CNTN4: variants seen among roughly 807,000 people sequenced by gnomAD.
CNTN4 encodes the protein contactin-4.
Under a neutral mutation model 122.5 loss-of-function variants are expected in CNTN4, and 77 were observed. That is an observed-to-expected ratio of 0.63 (90% confidence interval 0.52 to 0.76). CNTN4 has a LOEUF of 0.76. Among genes scored for constraint, CNTN4 ranks in the 30% least tolerant of loss-of-function variants. The pLI, the probability that CNTN4 is intolerant of heterozygous loss-of-function variation, is 0.00. For missense variants in CNTN4, 1,256 were observed against 1,259.1 expected (o/e 1.00, Z 0.04); for synonymous variants, 512 against 447.0 (o/e 1.15, Z -1.83).
intron 2 of CNTN4, among the ~76,000 whole-genome samples, chr3:2,169,666 G>A (rs2036376115): frequency 1.3e-5 from 2 of 152,064 alleles, no homozygotes; most frequent in South Asian, 4.2e-4. Flanking sequence ...CAAAGTGCTG[G>A]GATTACAGGC....
chr3:2,204,732 C>G (rs2038261798), intron 2 of CNTN4, among the ~76,000 whole-genome samples: 1 of 152,024 alleles, frequency 6.6e-6, no homozygotes, highest in African/African-American at 2.4e-5. Flanking sequence ...TCACTATTCT[C>G]AAAGGATGCA....
rs17018151 is a variant in CNTN4 at position 2,661,235 on chromosome 3, T to C, written c.56-74980T>C. 6.4e-4 allele frequency among the ~76,000 whole-genome samples: 98 copies of C among 152,320 alleles called. 1 individual carries two copies. The East Asian group carries it at 9.1e-3, about 14-fold the overall frequency. ...GTCTCCAGTTGTTGTTTTGAAAGTG[T>C]ATTCATGGCAGGGAAATATCCCAAA... On this transcript the variant is annotated intron_variant, in intron 4 of 24. Transcript: ENST00000418658.
intron 2 of CNTN4, among the ~76,000 whole-genome samples, chr3:2,220,922 G>A (rs1331011385): frequency 1.3e-5 from 2 of 152,050 alleles, no homozygotes; most frequent in Non-Finnish European, 2.9e-5. Context: ...AAAAGGTAGA[G>A]AAGTGAATAT....
At chr3:2,176,680 C>G (rs1221832109) in intron 2 of CNTN4, among the ~76,000 whole-genome samples, 1 of 152,106 alleles carries the variant, frequency 6.6e-6, no homozygotes, top group African/African-American at 2.4e-5. Context: ...CACAAGCAAA[C>G]TGGACCAAGA....
At chr3:2,279,861 G>A (rs2041652523) in intron 2 of CNTN4, among the ~76,000 whole-genome samples, 1 of 151,020 alleles carries the variant, frequency 6.6e-6, no homozygotes. Flanking sequence ...TCTGTATCTA[G>A]CTCTAGATAT....
intron 2 of CNTN4, among the ~76,000 whole-genome samples, chr3:2,178,476 C>A (rs1417631723): frequency 6.6e-6 from 1 of 151,890 alleles, no homozygotes; most frequent in African/African-American, 2.4e-5. Context: ...TAACATCAAA[C>A]CAATGAATTC....
intron 12 of CNTN4, among the ~76,000 whole-genome samples, chr3:2,914,056 G>C (rs1401134328): frequency 6.6e-6 from 1 of 152,162 alleles, no homozygotes; most frequent in Non-Finnish European, 1.5e-5. Flanking sequence ...CTTAAGCAAT[G>C]AATGGGTCAA....
chr3:2,766,722 C>T (rs181307567), intron 6 of CNTN4, among the ~76,000 whole-genome samples: 2 of 152,202 alleles, frequency 1.3e-5, no homozygotes, highest in East Asian at 3.9e-4. Context: ...CCAAATACCC[C>T]CTGTTCCCCC....
At chr3:2,956,329 A>G (rs2094799066) in intron 13 of CNTN4, among the ~76,000 whole-genome samples, 1 of 152,104 alleles carries the variant, frequency 6.6e-6, no homozygotes. Context: ...AGAGTTTGCT[A>G]GAGATGATGA....
chr3:2,765,781 G>A (rs2090831295), intron 6 of CNTN4, among the ~76,000 whole-genome samples: 1 of 152,080 alleles, frequency 6.6e-6, no homozygotes, highest in Non-Finnish European at 1.5e-5. Flanking sequence ...CCTTATTCAA[G>A]AAATCTTCAT....
intron 6 of CNTN4, among the ~76,000 whole-genome samples, chr3:2,747,923 T>A (rs1160302616): frequency 6.6e-6 from 1 of 151,018 alleles, no homozygotes; most frequent in Non-Finnish European, 1.5e-5. Context: ...TCTATCACAT[T>A]CACTCCCAAT....
At chr3:2,778,619 C>T (rs1023795514) in intron 6 of CNTN4, among the ~76,000 whole-genome samples, 1 of 152,122 alleles carries the variant, frequency 6.6e-6, no homozygotes, top group African/African-American at 2.4e-5. Context: ...GGAAATGGAA[C>T]TATTATAGTG....
At chr3:2,344,125 A>G (rs553015322) in intron 3 of CNTN4, among the ~76,000 whole-genome samples, 29 of 152,230 alleles carry the variant, frequency 1.9e-4, no homozygotes, top group Admixed American at 4.6e-4. Context: ...CCTCCCATCT[A>G]GGGGTCAGAT....
chr3:2,207,740 C>G (rs572035084), intron 2 of CNTN4, among the ~76,000 whole-genome samples: 60 of 152,182 alleles, frequency 3.9e-4, no homozygotes, highest in African/African-American at 1.4e-3. Flanking sequence ...GGTAGCTACA[C>G]CAAAGAAGAG....
At chr3:2,124,816 C>T (rs760666099) in intron 2 of CNTN4, among the ~76,000 whole-genome samples, 2 of 152,072 alleles carry the variant, frequency 1.3e-5, no homozygotes, top group African/African-American at 2.4e-5. Context: ...AGTTGATGTA[C>T]AAAAATCTAC....
intron 14 of CNTN4, among the ~76,000 whole-genome samples, chr3:3,009,642 C>T (rs1230277412): frequency 1.3e-5 from 2 of 151,998 alleles, no homozygotes; most frequent in African/African-American, 4.8e-5. Flanking sequence ...ACCGTGTTAG[C>T]CAGGATGGTC....
At chr3:2,455,310 A>G (rs989451161) in intron 3 of CNTN4, among the ~76,000 whole-genome samples, 2 of 152,126 alleles carry the variant, frequency 1.3e-5, no homozygotes, top group African/African-American at 4.8e-5. Context: ...GATTGTTCTG[A>G]AGGCTACGAC....
At position 2,106,636 on chromosome 3, in the gene CNTN4, G is replaced by A. The variant is rs374484987; in HGVS notation, c.-145+5997G>A. On this transcript the variant is annotated intron_variant, in intron 2 of 24. Transcript: ENST00000418658. ...AGCCCAGTGCCTTGTCCAAGAAACC[G>A]TTTTTCCCTCCTAGACCTCTGGGCC... Among the ~76,000 whole-genome samples, 3 of 152,268 alleles carry A rather than the reference G, an allele frequency of 2.0e-5. No homozygotes were observed. The East Asian group carries it at 5.8e-4, about 30-fold the overall frequency.
At chr3:2,907,533 A>C (rs1226173400) in intron 12 of CNTN4, among the ~76,000 whole-genome samples, 1 of 151,252 alleles carries the variant, frequency 6.6e-6, no homozygotes, top group African/African-American at 2.4e-5. Context: ...AGATTGCACC[A>C]CTGCACTCCA....
Sources: gnomAD v4.1 joint callset for allele counts (sites outside exome capture counted in the v4.1 genomes callset) on GRCh38, gnomAD v4.1.1 for gene constraint, MANE v1.5 for transcripts, NCBI Gene and HGNC (gene_info 2026-07-23, HGNC 2026-07-21) for gene names.